Variants in NTM observed in about 807,000 individuals in gnomAD.
The protein encoded by NTM is neurotrimin.
In NTM, 13 loss-of-function variants were observed where a neutral mutation model predicts 42.1. The ratio of observed to expected loss-of-function variants is 0.31; its 90% CI spans 0.20 to 0.49. NTM has a LOEUF of 0.49. NTM is among the 20% of genes least tolerant of loss of function. The pLI, the probability that NTM is intolerant of heterozygous loss-of-function variation, is 0.99. For missense variants in NTM, 373 were observed against 452.8 expected (o/e 0.82, Z 1.60); for synonymous variants, 187 against 179.2 (o/e 1.04, Z -0.35).
chr11:132,133,209 CT>C (rs1286041704), intron 2 of NTM, among the ~76,000 whole-genome samples: 1 of 152,226 alleles, frequency 6.6e-6, no homozygotes, highest in Non-Finnish European at 1.5e-5. Flanking sequence ...AGAAACTTCA[CT>C]TCTACAAGCC....
chr11:131,647,652 G>A (rs60061089), intron 1 of NTM, among the ~76,000 whole-genome samples: 4,247 of 152,288 alleles, frequency 0.028, 76 homozygotes, highest in African/African-American at 0.054. Context: ...AGCCTTAGCA[G>A]AGTTAAACAA....
intron 1 of NTM, among the ~76,000 whole-genome samples, chr11:131,687,811 C>A (rs2074099066): frequency 6.6e-6 from 1 of 152,132 alleles, no homozygotes; most frequent in African/African-American, 2.4e-5. Flanking sequence ...CGCTGCTCCT[C>A]CCTGGCCTCT....
chr11:131,503,767 C>T (rs1189304717), intron 1 of NTM, among the ~76,000 whole-genome samples: 2 of 152,106 alleles, frequency 1.3e-5, no homozygotes, highest in Non-Finnish European at 2.9e-5. Context: ...TCCTTGGCCT[C>T]CTAAAGTGTT....
intron 1 of NTM, among the ~76,000 whole-genome samples, chr11:131,706,953 A>G (rs2076652073): frequency 6.6e-6 from 1 of 152,184 alleles, no homozygotes; most frequent in Admixed American, 6.5e-5. Context: ...GCTAATTAAC[A>G]TATTTTAACC....
Position 131,958,527 on chromosome 11 carries a change from C to A in NTM, c.167+46879C>A, listed in dbSNP as rs553340609. Among the ~76,000 whole-genome samples, 18 of 152,294 alleles carry A rather than the reference C, an allele frequency of 1.2e-4. No homozygotes were observed. The East Asian group carries it at 3.1e-3, about 26-fold the overall frequency. ...TTTGTATTAACAGTTTCTGTGCTGT[C>A]AACCTGGAATCACTGGCTTTAATCT... On this transcript the variant is annotated intron_variant, in intron 2 of 8. Transcript: ENST00000683400.
chr11:131,660,477 G>A (rs2067859470), intron 1 of NTM: 4 of 457,270 alleles, frequency 8.7e-6, no homozygotes, highest in South Asian at 1.5e-5. Context: ...CCTGCAGGGA[G>A]CTGACCTTCC....
intron 2 of NTM, among the ~76,000 whole-genome samples, chr11:131,994,083 C>G (rs1172919516): frequency 6.6e-6 from 1 of 151,592 alleles, no homozygotes; most frequent in Non-Finnish European, 1.5e-5. Flanking sequence ...GAGCTCGTGT[C>G]TCTAAAGGTG....
At chr11:132,184,518 G>A (rs1297018425) in intron 3 of NTM, among the ~76,000 whole-genome samples, 1 of 152,110 alleles carries the variant, frequency 6.6e-6, no homozygotes, top group Non-Finnish European at 1.5e-5. Flanking sequence ...CTTGAGGCAG[G>A]ACACAGGAAA....
chr11:132,068,096 A>ATTC (rs1334996665), intron 2 of NTM, among the ~76,000 whole-genome samples: 1 of 152,190 alleles, frequency 6.6e-6, no homozygotes, highest in African/African-American at 2.4e-5. Flanking sequence ...TCACATACCC[A>ATTC]TTCCCTTCAG....
intron 1 of NTM, among the ~76,000 whole-genome samples, chr11:131,841,645 G>A (rs146266407): frequency 3.3e-4 from 51 of 152,276 alleles, no homozygotes; most frequent in African/African-American, 1.1e-3. Context: ...GGAAATATAG[G>A]TGTGATAACT....
chr11:131,614,820 A>C (rs566029948), intron 1 of NTM, among the ~76,000 whole-genome samples: 2 of 152,314 alleles, frequency 1.3e-5, no homozygotes, highest in African/African-American at 2.4e-5. Context: ...TTGGATTTAG[A>C]ATGTGTTCAG....
chr11:132,001,949 G>A (rs75600732), intron 2 of NTM, among the ~76,000 whole-genome samples: 4,439 of 152,224 alleles, frequency 0.029, 201 homozygotes, highest in African/African-American at 0.1. Context: ...GAGAGGAGGC[G>A]AATGAGTGGA....
At chr11:131,677,145 G>A (rs1282084695) in intron 1 of NTM, among the ~76,000 whole-genome samples, 1 of 152,190 alleles carries the variant, frequency 6.6e-6, no homozygotes, top group Non-Finnish European at 1.5e-5. Context: ...GTGGCCTCAG[G>A]TCCCCGAGCC....
At position 131,653,059 on chromosome 11, in the gene NTM, C is replaced by A. The variant is rs74772695; in HGVS notation, c.83-258505C>A. Among the ~76,000 whole-genome samples, 536 of 152,318 alleles carry A rather than the reference C, an allele frequency of 3.5e-3. 4 individuals carry two copies. Among genetic ancestry groups the A allele is most frequent in the African/African-American group, 0.012 (494 of 41,576 alleles). ...CACCCCGCTATTTGACGAGCTGCTG[C>A]AATTTCTCCCAGGGACTGGATGATG... On this transcript the variant is annotated intron_variant, in intron 1 of 8. Transcript: ENST00000683400.
intron 1 of NTM, among the ~76,000 whole-genome samples, chr11:131,910,405 C>CCTGGG (rs1402321562): frequency 6.6e-6 from 1 of 151,840 alleles, no homozygotes; most frequent in Admixed American, 6.6e-5. Flanking sequence ...AAACTCCTGG[C>CCTGGG]CTGGGCTGGG....
intron 4 of NTM, among the ~76,000 whole-genome samples, chr11:132,281,859 T>C (rs914437094): frequency 1.3e-5 from 2 of 152,198 alleles, no homozygotes; most frequent in Admixed American, 6.5e-5. Flanking sequence ...ACAAGAAATC[T>C]TGGAATGCTT....
At position 131,593,933 on chromosome 11, in the gene NTM, C is replaced by G. The variant is rs147770625; in HGVS notation, c.82+223045C>G. On this transcript the variant is annotated intron_variant, in intron 1 of 8. Transcript: ENST00000683400. ...TCCCCCTTGTGGTGCCTGCATGGTGCCCAGTGGATCTTTTACATGGATTTG... is the reference window on the plus strand; with the variant it reads ...TCCCCCTTGTGGTGCCTGCATGGTGGCCAGTGGATCTTTTACATGGATTTG... Among the ~76,000 whole-genome samples the G allele has an allele frequency of 1.7e-4, 26 of 152,244 alleles. 1 individual carries two copies. Among genetic ancestry groups the G allele is most frequent in the African/African-American group, 6.3e-4 (26 of 41,548 alleles).
intron 1 of NTM, among the ~76,000 whole-genome samples, chr11:131,600,100 G>T (rs2060336763): frequency 6.6e-6 from 1 of 152,194 alleles, no homozygotes; most frequent in Non-Finnish European, 1.5e-5. Context: ...TTCTGTTATA[G>T]ATATGAAATT....
At chr11:131,657,904 C>T (rs1393686023) in intron 1 of NTM, among the ~76,000 whole-genome samples, 2 of 152,114 alleles carry the variant, frequency 1.3e-5, no homozygotes, top group Admixed American at 6.5e-5. Context: ...AACCACAGGG[C>T]AAGGCAGGCA....
Sources: gnomAD v4.1 joint callset for allele counts (sites outside exome capture counted in the v4.1 genomes callset) on GRCh38, gnomAD v4.1.1 for gene constraint, MANE v1.5 for transcripts, NCBI Gene and HGNC (gene_info 2026-07-23, HGNC 2026-07-21) for gene names.